The following XYLT1 variants were observed in gnomAD, a reference collection of about 807,000 sequenced individuals.
XYLT1 encodes the protein beta-D-xylosyltransferase 1.
Under a neutral mutation model 91.3 loss-of-function variants are expected in XYLT1, and 36 were observed. That is an observed-to-expected ratio of 0.39 (90% confidence interval 0.30 to 0.52). The LOEUF (loss-of-function observed/expected upper bound fraction) is 0.52. XYLT1 is among the 20% of genes least tolerant of loss of function. The probability of loss-of-function intolerance (pLI) is 0.68; values close to 1 mark genes in which losing one functional copy is unlikely to be tolerated. For missense variants in XYLT1, 1,242 were observed against 1,284.5 expected (o/e 0.97, Z 0.51); for synonymous variants, 588 against 532.0 (o/e 1.11, Z -1.45).
In XYLT1 at chr16:17,108,104, A is replaced by G. The variant is rs7194437; in HGVS notation, c.*591T>C. 11,158 of 152,850 alleles carry G rather than the reference A, an allele frequency of 0.073. 1,387 individuals are homozygous for G. The highest frequency in any genetic ancestry group is 0.26 in the African/African-American group (10,617 of 41,504). 9.5% of individuals were successfully genotyped at this position (152,850 alleles called of 1,614,324 possible). A position where few individuals can be genotyped will look rare whatever the true frequency, so the allele number is the denominator to read the frequency against. On this transcript the variant is annotated 3_prime_UTR_variant, in exon 12 of 12. Coordinates refer to ENST00000261381, the MANE Select transcript of XYLT1 (RefSeq NM_022166.4). ...GGCACCAGAGTCCCCCAGCCAAGAG[A>G]AGCAGAAAAATGAACCAAAGGGCAG... is the stretch of plus-strand genomic sequence containing the variant.
Position 17,108,901 on chromosome 16 carries a change from G to A in XYLT1, c.2674C>T (p.Arg892Trp), listed in dbSNP as rs139025663. Residue 892 changes from arginine to tryptophan, a missense_variant, in exon 12 of 12, where the codon CGG becomes TGG. By Grantham distance (101) the Arg-to-Trp change is moderately radical. Transcript: ENST00000261381. The stretch of plus-strand genomic sequence containing the variant: ...GTGCCCGTGGAGGCTGCGTTCCTCC[G>A]TGCCTGTTCCACCTGGGCGGGGTTG... The part of the protein sequence containing the change: ...PINPAQVEQA[R>W]RNAASTGTAL... The A allele has an allele frequency of 2.5e-5, 40 of 1,607,976 alleles. No individual in the cohort carries two copies. The Admixed American group carries it at 3.5e-4, about 14-fold the overall frequency.
chr16:17,277,096 C>G (rs915949101), intron 2 of XYLT1, among the ~76,000 whole-genome samples: 2 of 152,294 alleles, frequency 1.3e-5, no homozygotes, highest in Admixed American at 6.5e-5. Context: ...CTGCTCCTAT[C>G]GAGCTTATAT....
In XYLT1 at chr16:17,434,170, G is replaced by A. The variant is rs1004194265; in HGVS notation, c.363+36264C>T. 3.9e-5 allele frequency among the ~76,000 whole-genome samples: 6 copies of A among 152,158 alleles called. No homozygotes were observed. In the South Asian group the frequency reaches 6.2e-4, roughly 16 times the overall value. ...GACCCACTCTGGCTCAGAAACTCCC[G>A]CCTCTGCCCTGGAACCAACCTTTGC... On this transcript the variant is annotated intron_variant, in intron 1 of 11. Coordinates refer to ENST00000261381, the MANE Select transcript of XYLT1 (RefSeq NM_022166.4).
chr16:17,370,288 C>T (rs547908464), intron 1 of XYLT1, among the ~76,000 whole-genome samples: 18 of 152,316 alleles, frequency 1.2e-4, no homozygotes, highest in African/African-American at 4.1e-4. Context: ...ACGCAGGAGA[C>T]GACGCTGTGC....
chr16:17,415,750 T>C (rs1438932573), intron 1 of XYLT1, among the ~76,000 whole-genome samples: 3 of 151,720 alleles, frequency 2.0e-5, no homozygotes, highest in Non-Finnish European at 4.4e-5. Context: ...GGATGAGAGC[T>C]ATGGAGGAAA....
At chr16:17,408,578 G>C (rs558978727) in intron 1 of XYLT1, among the ~76,000 whole-genome samples, 1 of 152,232 alleles carries the variant, frequency 6.6e-6, no homozygotes, top group Non-Finnish European at 1.5e-5. Flanking sequence ...GGGGATGGTG[G>C]CTTAGGCCGA....
rs1387919403 is a variant in XYLT1, at chr16:17,275,370, T to A, written c.403-15872A>T. 3.3e-5 allele frequency among the ~76,000 whole-genome samples: 5 copies of A among 152,142 alleles called. No individual in the cohort carries two copies. In the East Asian group the frequency reaches 9.6e-4, roughly 29 times the overall value. On this transcript the variant is annotated intron_variant, in intron 2 of 11. Coordinates refer to ENST00000261381, the MANE Select transcript of XYLT1 (RefSeq NM_022166.4). ...CTGTTAACAACTACGCTTGGCTCAGTGCCCCACAGGTTTCTAAAGTCCCCC... is the reference window on the plus strand; with the variant it reads ...CTGTTAACAACTACGCTTGGCTCAGAGCCCCACAGGTTTCTAAAGTCCCCC...
chr16:17,314,784 G>C (rs965775971), intron 2 of XYLT1, among the ~76,000 whole-genome samples: 1 of 152,046 alleles, frequency 6.6e-6, no homozygotes, highest in Non-Finnish European at 1.5e-5. Context: ...CTCCCTGGTG[G>C]CCAAAGCAAA....
intron 1 of XYLT1, among the ~76,000 whole-genome samples, chr16:17,461,959 T>G (rs987052749): frequency 6.6e-6 from 1 of 152,238 alleles, no homozygotes; most frequent in African/African-American, 2.4e-5. Context: ...TCCACAGTGT[T>G]TGGTGCATTC....
chr16:17,299,051 A>G (rs2034356688), intron 2 of XYLT1, among the ~76,000 whole-genome samples: 1 of 152,088 alleles, frequency 6.6e-6, no homozygotes, highest in Non-Finnish European at 1.5e-5. Context: ...GTATTTGCCT[A>G]TTGTCTAAAT....
chr16:17,280,625 A>G (rs2034043071), intron 2 of XYLT1, among the ~76,000 whole-genome samples: 3 of 152,218 alleles, frequency 2.0e-5, no homozygotes, highest in South Asian at 2.1e-4. Context: ...AGTTCCTCCC[A>G]GCTTTCAACC....
chr16:17,244,325 C>G lies in XYLT1; in HGVS notation c.913+14663G>C, dbSNP rs575049375. Among the ~76,000 whole-genome samples the G allele has an allele frequency of 1.2e-3, 187 of 152,132 alleles. 1 individual carries two copies. The highest frequency in any genetic ancestry group is 4.0e-3 in the African/African-American group (164 of 41,516). Reference sequence around the variant, plus strand: ...TGTGGCCGGCAAGCACTGTCCTTGACCACGCAAGAAAATTGCTGGGATCTC... The same window carrying G: ...TGTGGCCGGCAAGCACTGTCCTTGAGCACGCAAGAAAATTGCTGGGATCTC... On this transcript the variant is annotated intron_variant, in intron 3 of 11. Transcript: ENST00000261381.
intron 8 of XYLT1, 174 bp downstream of exon 8, chr16:17,138,181 G>GT: frequency 5.7e-6 from 4 of 706,090 alleles, no homozygotes; most frequent in Non-Finnish European, 6.9e-6. Context: ...CATCCCTGAA[G>GT]TAAGTGCTCA....
In XYLT1 at chr16:17,134,673, A is replaced by G. The variant is rs1369873493; in HGVS notation, c.1827T>C (p.Ile609=). The part of the protein sequence containing the change: ...KFEAVVNQEI[I]GQLDYYLYGN... Reference sequence around the variant, plus strand: ...CGTACAGGTAATAGTCCAGCTGCCCAATGATTTCCTGATTCACCACGGCTT... The same window carrying G: ...CGTACAGGTAATAGTCCAGCTGCCCGATGATTTCCTGATTCACCACGGCTT... The change falls in exon 9 of 12, where the codon ATT becomes ATC. Residue 609 remains isoleucine (I), a synonymous_variant. Transcript: ENST00000261381. 7 of 1,614,086 alleles carry G rather than the reference A, an allele frequency of 4.3e-6. No individual in the cohort carries two copies. Among genetic ancestry groups the G allele is most frequent in the Non-Finnish European group, 5.9e-6 (7 of 1,180,044 alleles).
intron 3 of XYLT1, 143 bp from the exon 4 acceptor site, chr16:17,200,797 C>A: frequency 1.1e-6 from 1 of 871,366 alleles, no homozygotes; most frequent in Non-Finnish European, 1.8e-6. Context: ...AATTCAATGC[C>A]ACAAAGCACA....
At chr16:17,148,141 T>C (rs2031185700) in intron 6 of XYLT1, among the ~76,000 whole-genome samples, 1 of 152,238 alleles carries the variant, frequency 6.6e-6, no homozygotes, top group Non-Finnish European at 1.5e-5. Context: ...CCATGACACC[T>C]GTGTCTTGAC....
intron 2 of XYLT1, among the ~76,000 whole-genome samples, chr16:17,319,225 C>G (rs1376294363): frequency 2.6e-5 from 4 of 152,052 alleles, no homozygotes; most frequent in Non-Finnish European, 5.9e-5. Context: ...GAAAGAAATA[C>G]ATGAAAAAAA....
chr16:17,363,604 A>C (rs995404380), intron 1 of XYLT1, among the ~76,000 whole-genome samples: 2 of 152,166 alleles, frequency 1.3e-5, no homozygotes, highest in African/African-American at 2.4e-5. Flanking sequence ...CAGTGGCACA[A>C]TCCAAGCTCA....
intron 2 of XYLT1, among the ~76,000 whole-genome samples, chr16:17,348,855 C>T (rs528636278): frequency 1.3e-5 from 2 of 152,304 alleles, no homozygotes; most frequent in Non-Finnish European, 2.9e-5. Flanking sequence ...ACAGCCCTGC[C>T]CCAAAACCCC....
Sources: gnomAD v4.1 joint callset for allele counts (sites outside exome capture counted in the v4.1 genomes callset) on GRCh38, gnomAD v4.1.1 for gene constraint, MANE v1.5 for transcripts, NCBI Gene and HGNC (gene_info 2026-07-23, HGNC 2026-07-21) for gene names.